Variants in NRXN3 observed in about 807,000 individuals in gnomAD.
NRXN3 encodes the protein neurexin III.
A neutral mutation model predicts 137.6 loss-of-function variants in NRXN3; 32 were observed. The ratio of observed to expected loss-of-function variants is 0.23; its 90% CI spans 0.18 to 0.31. NRXN3 has a LOEUF of 0.31. Ranked by LOEUF, NRXN3 falls within the 10% of genes least tolerant of loss-of-function variation. NRXN3 has a pLI of 1.00. For missense variants in NRXN3, 1,574 were observed against 2,062.5 expected (o/e 0.76, Z 4.59); for synonymous variants, 798 against 784.5 (o/e 1.02, Z -0.29).
At chr14:79,840,848 T>C (rs2141445173) in intron 20 of NRXN3, among the ~76,000 whole-genome samples, 1 of 152,336 alleles carries the variant, frequency 6.6e-6, no homozygotes, top group Non-Finnish European at 1.5e-5. Context: ...GTTTCCTTTC[T>C]CTGTCCTCAT....
intron 15 of NRXN3, among the ~76,000 whole-genome samples, chr14:79,092,426 A>G (rs577091508): frequency 5.1e-4 from 77 of 152,322 alleles, no homozygotes; most frequent in African/African-American, 1.8e-3. Context: ...ACCACTGTTA[A>G]CATTTCAATG....
intron 4 of NRXN3, among the ~76,000 whole-genome samples, chr14:78,619,603 T>A (rs544674391): frequency 6.6e-6 from 1 of 152,194 alleles, no homozygotes; most frequent in South Asian, 2.1e-4. Flanking sequence ...GCTCTTGTGA[T>A]AGTGAGTGAG....
At chr14:79,282,530 C>A (rs564308993) in intron 15 of NRXN3, among the ~76,000 whole-genome samples, 1 of 151,962 alleles carries the variant, frequency 6.6e-6, no homozygotes, top group Non-Finnish European at 1.5e-5. Context: ...AGGGGTTGAG[C>A]CTTGCACAGG....
At chr14:79,183,662 T>C (rs1027023966) in intron 15 of NRXN3, among the ~76,000 whole-genome samples, 5 of 152,234 alleles carry the variant, frequency 3.3e-5, no homozygotes, top group Non-Finnish European at 7.3e-5. Flanking sequence ...CTCTTCTGTT[T>C]CCTTGTCTGC....
intron 6 of NRXN3, 126 bp from the exon 7 acceptor site, chr14:78,709,091 C>T (rs2098384671): frequency 2.6e-6 from 2 of 768,666 alleles, no homozygotes; most frequent in Non-Finnish European, 4.1e-6. Flanking sequence ...CTCATTGTTT[C>T]TCATGTTGTT....
At chr14:79,198,275 G>A (rs1368781639) in intron 15 of NRXN3, among the ~76,000 whole-genome samples, 1 of 152,196 alleles carries the variant, frequency 6.6e-6, no homozygotes, top group East Asian at 1.9e-4. Context: ...AGTATGTAAT[G>A]TAGATTTAAA....
chr14:78,985,800 G>A (rs2099501836), intron 14 of NRXN3, among the ~76,000 whole-genome samples: 1 of 152,200 alleles, frequency 6.6e-6, no homozygotes, highest in Non-Finnish European at 1.5e-5. Flanking sequence ...TCCTTTGAAA[G>A]AAGCTGTCCT....
chr14:79,091,075 T>TA (rs5809922), intron 15 of NRXN3, among the ~76,000 whole-genome samples: 1,907 of 143,932 alleles, frequency 0.013, 27 homozygotes, highest in African/African-American at 0.04. Context: ...TTTGTCTCAG[T>TA]AAAAAAAAAA....
chr14:78,221,091 G>A (rs796250115), intron 1 of NRXN3, among the ~76,000 whole-genome samples: 50 of 152,256 alleles, frequency 3.3e-4, no homozygotes, highest in African/African-American at 1.1e-3. Flanking sequence ...CAGGGGAAGT[G>A]GTTGCTTAGA....
At chr14:78,826,103 T>G (rs1013617241) in intron 10 of NRXN3, among the ~76,000 whole-genome samples, 1 of 152,230 alleles carries the variant, frequency 6.6e-6, no homozygotes, top group African/African-American at 2.4e-5. Flanking sequence ...ATGTATTAGA[T>G]CCTTTAATTC....
intron 1 of NRXN3, among the ~76,000 whole-genome samples, chr14:78,180,993 C>T (rs750641498): frequency 3.9e-5 from 6 of 152,186 alleles, no homozygotes; most frequent in African/African-American, 9.6e-5. Context: ...AGCCTGTCCT[C>T]GGTGTATTTT....
chr14:79,300,983 C>A (rs966007148), intron 15 of NRXN3, among the ~76,000 whole-genome samples: 2 of 152,082 alleles, frequency 1.3e-5, no homozygotes, highest in Admixed American at 1.3e-4. Flanking sequence ...GCCTATATTG[C>A]ATTATTGAGG....
At chr14:78,583,411 A>G (rs1000321059) in intron 4 of NRXN3, among the ~76,000 whole-genome samples, 59 of 151,808 alleles carry the variant, frequency 3.9e-4, no homozygotes, top group Admixed American at 5.9e-4. Context: ...TTATAATGAA[A>G]AAAACCTCAA....
chr14:78,484,138 G>A (rs1278533466), intron 4 of NRXN3, among the ~76,000 whole-genome samples: 1 of 152,108 alleles, frequency 6.6e-6, no homozygotes, highest in Non-Finnish European at 1.5e-5. Flanking sequence ...CAGGAATGCA[G>A]AATGTTAATG....
intron 15 of NRXN3, among the ~76,000 whole-genome samples, chr14:79,153,199 G>A (rs2059958662): frequency 6.6e-6 from 1 of 151,642 alleles, no homozygotes; most frequent in South Asian, 2.1e-4. Context: ...ACCTGTATCA[G>A]CCTAACTGCA....
rs1284960292 is a variant in NRXN3, at chr14:79,723,221, C to T, written c.4014+25284C>T. ...GAACTTCATTTTTTACAACTAGAAG[C>T]TTTGTGACTTCTGAGACCATGACTG... On this transcript the variant is annotated intron_variant, in intron 19 of 20. Transcript: ENST00000335750. 2.6e-5 allele frequency among the ~76,000 whole-genome samples: 4 copies of T among 152,182 alleles called. No individual in the cohort carries two copies. The South Asian group carries it at 8.3e-4, about 32-fold the overall frequency.
At position 79,856,659 on chromosome 14, in the gene NRXN3, A is replaced by G. The variant is rs371271682; in HGVS notation, c.4094-4683A>G. Reference sequence around the variant, plus strand: ...CCAAAGATAACCCACTGCATTCACTATCACCCACAACATTCTCACAGTTCA... The same window carrying G: ...CCAAAGATAACCCACTGCATTCACTGTCACCCACAACATTCTCACAGTTCA... On this transcript the variant is annotated intron_variant, in intron 20 of 20. Transcript: ENST00000335750. Among the ~76,000 whole-genome samples the G allele has an allele frequency of 4.1e-5, 6 of 147,970 alleles. No individual in the cohort carries two copies. The East Asian group carries it at 1.0e-3, about 25-fold the overall frequency.
rs558278168 is a variant in NRXN3, at chr14:79,819,532, T to G, written c.4093+14342T>G. On this transcript the variant is annotated intron_variant, in intron 20 of 20. Transcript: ENST00000335750. ...CGGAGTCTTTTTCTGTCACCCAAGC[T>G]GGAGGGCAGTGGCACAATCTCGGCT... is the stretch of plus-strand genomic sequence containing the variant. Among the ~76,000 whole-genome samples the G allele has an allele frequency of 3.5e-3, 409 of 116,830 alleles. 1 individual carries two copies. The highest frequency in any genetic ancestry group is 5.9e-3 in the Non-Finnish European group (348 of 59,424). The allele number at this position is 116,830 out of a possible 152,430, so 76.6% of individuals were successfully genotyped here.
At chr14:78,928,741 A>G (rs1333579120) in intron 10 of NRXN3, among the ~76,000 whole-genome samples, 1 of 130,062 alleles carries the variant, frequency 7.7e-6, no homozygotes, top group Non-Finnish European at 1.5e-5. Context: ...TGCTATTGTG[A>G]ATTAGTGCCT....
Sources: gnomAD v4.1 joint callset for allele counts (sites outside exome capture counted in the v4.1 genomes callset) on GRCh38, gnomAD v4.1.1 for gene constraint, MANE v1.5 for transcripts, NCBI Gene and HGNC (gene_info 2026-07-23, HGNC 2026-07-21) for gene names.